AK5: variants seen among roughly 807,000 people sequenced by gnomAD.
AK5 encodes adenylate kinase isoenzyme 5.
A neutral mutation model predicts 69.5 loss-of-function variants in AK5; 27 were observed. The observed-to-expected ratio is 0.39, with a 90% confidence interval of 0.29 to 0.54. The LOEUF (loss-of-function observed/expected upper bound fraction) is 0.54, where lower values mean the gene tolerates loss of function less well. AK5 is among the 20% of genes least tolerant of loss of function. The pLI, the probability that AK5 is intolerant of heterozygous loss-of-function variation, is 0.71. For missense variants in AK5, 531 were observed against 700.4 expected (o/e 0.76, Z 2.73); for synonymous variants, 260 against 244.4 (o/e 1.06, Z -0.60).
At chr1:77,309,853 C>T (rs1417188812) in intron 5 of AK5, among the ~76,000 whole-genome samples, 1 of 152,082 alleles carries the variant, frequency 6.6e-6, no homozygotes, top group Admixed American at 6.5e-5. Flanking sequence ...GTTCTAGATA[C>T]TAATCCTTTG....
At chr1:77,297,104 G>A (rs1407534298) in intron 3 of AK5, among the ~76,000 whole-genome samples, 1 of 152,148 alleles carries the variant, frequency 6.6e-6, no homozygotes, top group East Asian at 1.9e-4. Context: ...GTAAATACTG[G>A]TAGGCGTTTG....
intron 2 of AK5, among the ~76,000 whole-genome samples, chr1:77,291,461 A>G (rs114673160): frequency 5.5e-4 from 84 of 151,988 alleles, no homozygotes; most frequent in African/African-American, 1.7e-3. Context: ...CCTAAAACCT[A>G]TATTTCATTT....
chr1:77,493,588 C>T (rs1056645559), intron 10 of AK5, among the ~76,000 whole-genome samples: 1 of 152,160 alleles, frequency 6.6e-6, no homozygotes, highest in Admixed American at 6.5e-5. Flanking sequence ...AAGTTGCCAT[C>T]TGACTCTCCA....
intron 6 of AK5, among the ~76,000 whole-genome samples, chr1:77,350,601 CA>C (rs1662140437): frequency 6.6e-6 from 1 of 152,138 alleles, no homozygotes; most frequent in Non-Finnish European, 1.5e-5. Flanking sequence ...GTGACTGACA[CA>C]AGGTTTTACT....
At chr1:77,456,911 G>T (rs1213928237) in intron 8 of AK5, among the ~76,000 whole-genome samples, 1 of 140,690 alleles carries the variant, frequency 7.1e-6, no homozygotes, top group African/African-American at 2.6e-5. Flanking sequence ...ACATCCTGTA[G>T]TAGTTTCCTT....
intron 13 of AK5, among the ~76,000 whole-genome samples, chr1:77,545,273 C>T (rs1330985247): frequency 6.6e-6 from 1 of 152,034 alleles, no homozygotes; most frequent in East Asian, 1.9e-4. Context: ...TTCCTCCAGC[C>T]CCTCATTCTT....
At chr1:77,534,645 T>C (rs1216481555) in intron 12 of AK5, among the ~76,000 whole-genome samples, 12 of 152,146 alleles carry the variant, frequency 7.9e-5, no homozygotes, top group Non-Finnish European at 1.8e-4. Context: ...TTCTAGTTAA[T>C]GAGGAAGTCA....
intron 12 of AK5, among the ~76,000 whole-genome samples, chr1:77,523,150 T>C (rs1295018933): frequency 1.3e-5 from 2 of 152,196 alleles, no homozygotes; most frequent in Admixed American, 1.3e-4. Context: ...TTCATTTAAT[T>C]TCCTTAGTGT....
At chr1:77,371,826 T>C (rs1168810844) in intron 6 of AK5, among the ~76,000 whole-genome samples, 2 of 152,228 alleles carry the variant, frequency 1.3e-5, no homozygotes, top group Non-Finnish European at 2.9e-5. Flanking sequence ...TTAATAGTTA[T>C]TAAGTTCTGA....
intron 13 of AK5, among the ~76,000 whole-genome samples, chr1:77,547,604 T>G (rs2100387908): frequency 6.6e-6 from 1 of 152,310 alleles, no homozygotes; most frequent in African/African-American, 2.4e-5. Flanking sequence ...TTTACATTTT[T>G]TTTATGAACT....
chr1:77,388,999 G>C (rs1021329076), intron 6 of AK5, among the ~76,000 whole-genome samples: 2 of 152,164 alleles, frequency 1.3e-5, no homozygotes, highest in African/African-American at 4.8e-5. Flanking sequence ...GAACTACCTT[G>C]TCTGGAAAAA....
At chr1:77,302,380 G>A (rs1378447800) in intron 5 of AK5, among the ~76,000 whole-genome samples, 2 of 152,142 alleles carry the variant, frequency 1.3e-5, no homozygotes, top group Non-Finnish European at 2.9e-5. Context: ...TTATTAAGCT[G>A]CTTTCTTTTT....
chr1:77,356,924 T>G (rs1019235073), intron 6 of AK5, among the ~76,000 whole-genome samples: 7 of 152,190 alleles, frequency 4.6e-5, no homozygotes, highest in African/African-American at 1.7e-4. Context: ...TCAGAAGAAG[T>G]GTTGCCAAGC....
In AK5 at chr1:77,367,877, A is replaced by AACATATGTTAT. The variant is rs1557534529; in HGVS notation, c.891+27310_891+27311insCATATGTTATA. Among the ~76,000 whole-genome samples the AACATATGTTAT allele has an allele frequency of 7.7e-4, 11 of 14,208 alleles. 2 individuals carry two copies. The highest frequency in any genetic ancestry group is 1.1e-3 in the Non-Finnish European group (9 of 7,834). 9.3% of individuals were successfully genotyped at this position (14,208 alleles called of 152,430 possible). On this transcript the variant is annotated intron_variant, in intron 6 of 13. Coordinates refer to ENST00000354567, the MANE Select transcript of AK5 (RefSeq NM_174858.3). ...ATAATATATAATATATGTGATATAT[A>AACATATGTTAT]ATATAAAATATATGTGATATATATT...
intron 8 of AK5, among the ~76,000 whole-genome samples, chr1:77,467,277 G>T (rs1157870041): frequency 1.3e-5 from 2 of 152,140 alleles, no homozygotes; most frequent in Non-Finnish European, 2.9e-5. Flanking sequence ...TTCTTTCCTT[G>T]TAAAGTGGAG....
intron 6 of AK5, among the ~76,000 whole-genome samples, chr1:77,406,512 G>T (rs183225829): frequency 6.7e-6 from 1 of 148,288 alleles, no homozygotes; most frequent in African/African-American, 2.5e-5. Context: ...CCTTGTATCT[G>T]TCCTAATGAT....
At chr1:77,292,550 T>C (rs975103051) in intron 2 of AK5, among the ~76,000 whole-genome samples, 1 of 152,136 alleles carries the variant, frequency 6.6e-6, no homozygotes, top group Admixed American at 6.5e-5. Flanking sequence ...TTTTGGGTAG[T>C]TAGTGCTTCT....
chr1:77,337,862 A>T (rs1175756036), intron 5 of AK5, among the ~76,000 whole-genome samples: 1 of 152,172 alleles, frequency 6.6e-6, no homozygotes, highest in Non-Finnish European at 1.5e-5. Flanking sequence ...GTATTGTCTG[A>T]TTCTACAATC....
chr1:77,340,418 T>A lies in AK5; in HGVS notation c.741T>A (p.Asn247Lys). The stretch of plus-strand genomic sequence containing the variant: ...TGGTGGTATTCCTGGCTTGTGCTAA[T>A]CAGAGACTCAAAGAAAGATTACTGA... ...PDLVVFLACA[N>K]QRLKERLLKR... Residue 247 changes from asparagine (N) to lysine (K), a missense_variant, in exon 6 of 14, where the codon AAT becomes AAA. Physicochemically the swap from Asn to Lys is moderately conservative, Grantham distance 94. Transcript: ENST00000354567. 1 of 1,614,060 alleles carries A rather than the reference T, an allele frequency of 6.2e-7. No homozygotes were observed. Among genetic ancestry groups the A allele is most frequent in the Non-Finnish European group, 8.5e-7 (1 of 1,179,956 alleles).
Sources: gnomAD v4.1 joint callset for allele counts (sites outside exome capture counted in the v4.1 genomes callset) on GRCh38, gnomAD v4.1.1 for gene constraint, MANE v1.5 for transcripts, NCBI Gene and HGNC (gene_info 2026-07-23, HGNC 2026-07-21) for gene names.